OTUD7A: variants seen among roughly 807,000 people sequenced by gnomAD.
The protein encoded by OTUD7A is OTU domain-containing protein 7A.
In OTUD7A, 12 loss-of-function variants were observed where a neutral mutation model predicts 65.7. The observed-to-expected ratio is 0.18, with a 90% CI of 0.12 to 0.30. The LOEUF is 0.30. OTUD7A is among the 10% of genes least tolerant of loss of function. OTUD7A has a pLI of 1.00. For missense variants in OTUD7A, 1,148 were observed against 1,304.8 expected (o/e 0.88, Z 1.85); for synonymous variants, 641 against 586.3 (o/e 1.09, Z -1.35).
intron 12 of OTUD7A, among the ~76,000 whole-genome samples, chr15:31,486,963 C>T (rs1176780665): frequency 1.3e-5 from 2 of 152,196 alleles, no homozygotes; most frequent in African/African-American, 4.8e-5. Context: ...GCCACTAGGT[C>T]CAGCCAGAGC....
At chr15:31,543,585 C>T (rs1233097890) in intron 5 of OTUD7A, among the ~76,000 whole-genome samples, 6 of 151,762 alleles carry the variant, frequency 4.0e-5, no homozygotes, top group Admixed American at 6.6e-5. Context: ...TTTTAACTTA[C>T]GGAAAGCTAA....
chr15:31,768,330 T>C, intron 1 of OTUD7A: 1 of 605,042 alleles, frequency 1.7e-6, no homozygotes, highest in Non-Finnish European at 3.0e-6. Flanking sequence ...GAGGGCTGCG[T>C]GGATTGGCCT....
intron 1 of OTUD7A, among the ~76,000 whole-genome samples, chr15:31,793,910 T>C (rs1356796086): frequency 6.6e-6 from 1 of 152,256 alleles, no homozygotes; most frequent in Non-Finnish European, 1.5e-5. Flanking sequence ...AGCTGTCATC[T>C]GTCTATTGAT....
At chr15:31,776,544 T>G (rs2140920287) in intron 1 of OTUD7A, among the ~76,000 whole-genome samples, 1 of 152,324 alleles carries the variant, frequency 6.6e-6, no homozygotes, top group East Asian at 1.9e-4. Context: ...CACCTTTCCT[T>G]GCATTCAGCC....
intron 1 of OTUD7A, among the ~76,000 whole-genome samples, chr15:31,866,457 T>C (rs1436788540): frequency 1.3e-5 from 2 of 152,202 alleles, no homozygotes; most frequent in African/African-American, 4.8e-5. Flanking sequence ...GACTTATTTT[T>C]AACCCACTTC....
chr15:31,857,948 A>C (rs573279572), intron 1 of OTUD7A, among the ~76,000 whole-genome samples: 1 of 152,320 alleles, frequency 6.6e-6, no homozygotes, highest in East Asian at 1.9e-4. Flanking sequence ...AAAATCAACA[A>C]GGGAAGGTTA....
intron 8 of OTUD7A, among the ~76,000 whole-genome samples, chr15:31,511,164 CAT>C (rs1332562502): frequency 9.4e-5 from 1 of 10,684 alleles, no homozygotes; most frequent in African/African-American, 9.3e-4. Context: ...CTATATGTAA[CAT>C]ACATATGTAT....
At chr15:31,850,554 T>C (rs992340892) in intron 1 of OTUD7A, among the ~76,000 whole-genome samples, 2 of 150,258 alleles carry the variant, frequency 1.3e-5, no homozygotes, top group African/African-American at 4.9e-5. Context: ...AAACTTAAAG[T>C]ATAATAATAA....
rs1438701187 is a variant in OTUD7A, at chr15:31,561,794, A to ACACACG, written c.332-2608_332-2607insCGTGTG. Among the ~76,000 whole-genome samples, 6 of 151,952 alleles carry ACACACG rather than the reference A, an allele frequency of 3.9e-5. No individual in the cohort carries two copies. The East Asian group carries it at 1.2e-3, about 29-fold the overall frequency. On this transcript the variant is annotated intron_variant, in intron 4 of 12. Transcript: ENST00000307050. Reference sequence around the variant, plus strand: ...CACACACACACAGAGTCACACACACACACACACATTCACACACTGATTCTT... The same window carrying ACACACG: ...CACACACACACAGAGTCACACACACACACACGCACACACATTCACACACTGATTCTT...
intron 3 of OTUD7A, among the ~76,000 whole-genome samples, chr15:31,598,006 T>C: frequency 6.6e-6 from 1 of 151,934 alleles, no homozygotes; most frequent in African/African-American, 2.4e-5. Flanking sequence ...TGGCCAGGGC[T>C]GAGATGGGCT....
Position 31,553,909 on chromosome 15 carries a change from G to A in OTUD7A, c.550+5060C>T, listed in dbSNP as rs181420159. Among the ~76,000 whole-genome samples, 313 of 152,012 alleles carry A rather than the reference G, an allele frequency of 2.1e-3. 2 individuals are homozygous for A. Among genetic ancestry groups the A allele is most frequent in the Non-Finnish European group, 3.5e-3 (239 of 67,978 alleles). On this transcript the variant is annotated intron_variant, in intron 5 of 12. Coordinates refer to ENST00000307050, the MANE Select transcript of OTUD7A (RefSeq NM_001382637.1). ...GAATCTGTCAGATGTGAATCAAGAC[G>A]CGTCAGCCCCCGGCTCAAAACCCTC...
At chr15:31,494,783 G>T (rs2041360920) in intron 10 of OTUD7A, among the ~76,000 whole-genome samples, 1 of 152,244 alleles carries the variant, frequency 6.6e-6, no homozygotes, top group Non-Finnish European at 1.5e-5. Flanking sequence ...ATCCAGGGCA[G>T]TGAGTGCTGG....
At chr15:31,750,643 T>C (rs1270710214) in intron 1 of OTUD7A, among the ~76,000 whole-genome samples, 1 of 152,150 alleles carries the variant, frequency 6.6e-6, no homozygotes, top group South Asian at 2.1e-4. Flanking sequence ...AGTATGGTAC[T>C]GACACAAAAG....
chr15:31,508,782 T>C (rs1307905131), intron 8 of OTUD7A, among the ~76,000 whole-genome samples: 1 of 152,284 alleles, frequency 6.6e-6, no homozygotes, highest in Non-Finnish European at 1.5e-5. Context: ...TTGCGTATTC[T>C]GGGGCTTGAG....
chr15:31,562,609 A>G (rs1888728250), intron 4 of OTUD7A, among the ~76,000 whole-genome samples: 1 of 151,922 alleles, frequency 6.6e-6, no homozygotes, highest in Non-Finnish European at 1.5e-5. Context: ...AAAAAAAAAC[A>G]ACTTCCACCT....
At chr15:31,679,493 T>C (rs1390689736) in intron 1 of OTUD7A, among the ~76,000 whole-genome samples, 1 of 152,200 alleles carries the variant, frequency 6.6e-6, no homozygotes, top group Non-Finnish European at 1.5e-5. Context: ...CATTGGATCA[T>C]GGGGGTGGTT....
At chr15:31,549,276 C>T (rs576433121) in intron 5 of OTUD7A, among the ~76,000 whole-genome samples, 1 of 152,106 alleles carries the variant, frequency 6.6e-6, no homozygotes, top group East Asian at 1.9e-4. Context: ...CTGACCACAA[C>T]ATATTCAGTA....
In OTUD7A at chr15:31,484,026, G is replaced by GCGGCGGCC; in HGVS notation, c.2069_2070insGGCCGCCG (p.Ala694ProfsTer296). 2.0e-6 allele frequency: 2 copies of GCGGCGGCC among 990,368 alleles called. No individual in the cohort carries two copies. The highest frequency in any genetic ancestry group is 3.5e-5 in the East Asian group (1 of 28,358). The allele number at this position is 990,368 out of a possible 1,614,324, so 61.3% of individuals were successfully genotyped here. A position where few individuals can be genotyped will look rare whatever the true frequency, so the allele number is the denominator to read the frequency against. On this transcript the variant is annotated frameshift_variant, in exon 13 of 13. Transcript: ENST00000307050. LOFTEE classifies it low-confidence loss of function (END_TRUNC). The surrounding 1 kb of genome is among the most constrained non-coding windows in gnomAD (Gnocchi z 4.5). ...TGGCCGTGGCGGCGGCGGCGGCGGCGGCAGCGGCGGCCGCAGTAGCGGCGT... is the reference window on the plus strand; with the variant it reads ...TGGCCGTGGCGGCGGCGGCGGCGGCGCGGCGGCCGCAGCGGCGGCCGCAGTAGCGGCGT...
chr15:31,755,906 G>T (rs967514796), intron 1 of OTUD7A, among the ~76,000 whole-genome samples: 25 of 152,330 alleles, frequency 1.6e-4, no homozygotes, highest in African/African-American at 6.0e-4. Flanking sequence ...GCAAACAGGG[G>T]GTGTGCAGTG....
Sources: gnomAD v4.1 joint callset for allele counts (sites outside exome capture counted in the v4.1 genomes callset) on GRCh38, gnomAD v4.1.1 for gene constraint, Gnocchi (gnomAD v3.1) non-coding constraint, MANE v1.5 for transcripts, NCBI Gene and HGNC (gene_info 2026-07-23, HGNC 2026-07-21) for gene names.